HEPHL1: variants seen among roughly 807,000 people sequenced by gnomAD.
HEPHL1 encodes ferroxidase HEPHL1.
A neutral mutation model predicts 122.0 loss-of-function variants in HEPHL1; 123 were observed. The observed-to-expected ratio is 1.01, with a 90% CI of 0.87 to 1.17. The LOEUF (loss-of-function observed/expected upper bound fraction) is 1.17. HEPHL1 is among the 50% of genes most tolerant of loss of function. The pLI is 0.00. For missense variants in HEPHL1, 1,452 were observed against 1,430.5 expected (o/e 1.01, Z -0.24); for synonymous variants, 527 against 508.9 (o/e 1.04, Z -0.48).
intron 1 of HEPHL1, among the ~76,000 whole-genome samples, chr11:94,043,765 T>C (rs76210042): frequency 0.021 from 3,266 of 152,102 alleles, 58 homozygotes; most frequent in Non-Finnish European, 0.034. Flanking sequence ...ATTACTTCCT[T>C]AAGGAAACTT....
Position 94,093,971 on chromosome 11 carries a change from G to GATAGATAT in HEPHL1, c.2434+334_2434+335insGATATATA, listed in dbSNP as rs71036310. 1.0e-3 allele frequency among the ~76,000 whole-genome samples: 74 copies of GATAGATAT among 72,732 alleles called. 1 individual carries two copies. The highest frequency in any genetic ancestry group is 1.2e-3 in the Non-Finnish European group (43 of 35,362). The allele number at this position is 72,732 out of a possible 152,430, so 47.7% of individuals were successfully genotyped here. ...AAATTTTCTTTTAAATCCTCCAGCA[G>GATAGATAT]ATATATATATATATATATATATATA... On this transcript the variant is annotated intron_variant, in intron 13 of 19. Coordinates refer to ENST00000315765, the MANE Select transcript of HEPHL1 (RefSeq NM_001098672.2).
chr11:94,113,906 T>C lies in HEPHL1; in HGVS notation c.*2012T>C, dbSNP rs370570110. Reference sequence around the variant, plus strand: ...CAAAATAGTGTATCTCCACAAATAATATGACTTCTCAAACATTGTTTCCTC... The same window carrying C: ...CAAAATAGTGTATCTCCACAAATAACATGACTTCTCAAACATTGTTTCCTC... On this transcript the variant is annotated 3_prime_UTR_variant, in exon 20 of 20. Coordinates refer to ENST00000315765, the MANE Select transcript of HEPHL1 (RefSeq NM_001098672.2). Among the ~76,000 whole-genome samples, 2 of 152,202 alleles carry C rather than the reference T, an allele frequency of 1.3e-5. No homozygotes were observed. The highest frequency in any genetic ancestry group is 3.8e-4 in the East Asian group (2 of 5,198).
Position 94,063,622 on chromosome 11 carries a change from C to A in HEPHL1, c.530C>A (p.Ala177Asp). 6.2e-7 allele frequency: 1 copy of A among 1,613,892 alleles called. No homozygotes were observed. The highest frequency in any genetic ancestry group is 1.1e-5 in the South Asian group (1 of 91,076). ...AGAGAAGAATATGCACCTACTCCAG[C>A]CGATGCCAACTGCCTGACCTGGGTG... ...PVREEYAPTP[A>D]DANCLTWVYH... Residue 177 changes from alanine (A) to aspartate (D), a missense_variant, in exon 3 of 20, where the codon GCC becomes GAC. Transcript: ENST00000315765.
At chr11:94,035,734 T>C (rs1211264514) in intron 1 of HEPHL1, among the ~76,000 whole-genome samples, 1 of 152,040 alleles carries the variant, frequency 6.6e-6, no homozygotes, top group Non-Finnish European at 1.5e-5. Flanking sequence ...TGAAAGTCTC[T>C]TTTATTTTAT....
At chr11:94,081,356 C>T (rs1341807756) in intron 9 of HEPHL1, among the ~76,000 whole-genome samples, 1 of 152,168 alleles carries the variant, frequency 6.6e-6, no homozygotes, top group Non-Finnish European at 1.5e-5. Flanking sequence ...TGCTTAATAC[C>T]TAGGTGACAG....
chr11:94,093,771 T>A (rs1946281766), intron 13 of HEPHL1, 131 bp downstream of exon 13: 1 of 1,009,778 alleles, frequency 9.9e-7, no homozygotes, highest in Non-Finnish European at 1.4e-6. Flanking sequence ...TTCCTCCAAG[T>A]GTAATATCTT....
At chr11:94,034,122 T>C (rs997590756) in intron 1 of HEPHL1, among the ~76,000 whole-genome samples, 1 of 152,070 alleles carries the variant, frequency 6.6e-6, no homozygotes, top group African/African-American at 2.4e-5. Context: ...AGGGAGGAAA[T>C]GAGGTTGGAG....
chr11:94,076,028 AT>A (rs767110090), intron 9 of HEPHL1, among the ~76,000 whole-genome samples: 1 of 152,150 alleles, frequency 6.6e-6, no homozygotes, highest in Non-Finnish European at 1.5e-5. Flanking sequence ...TTAAGCATCT[AT>A]TTTACCAATC....
rs771004636 is a variant in HEPHL1, at chr11:94,104,650, T to C, written c.2805T>C (p.Asn935=). 94 of 1,613,644 alleles carry C rather than the reference T, an allele frequency of 5.8e-5. No individual in the cohort carries two copies. The highest frequency in any genetic ancestry group is 7.7e-5 in the Non-Finnish European group (91 of 1,179,660). The stretch of plus-strand genomic sequence containing the variant: ...TCTTGTTTTTGGTATTTAATGAGAA[T>C]GAATCCTGGTATCTGGATGACAATA... ...FALLFLVFNE[N]ESWYLDDNIK... The change falls in exon 16 of 20, where the codon AAT becomes AAC. Residue 935 remains asparagine (N), a synonymous_variant. Transcript: ENST00000315765.
In HEPHL1 at chr11:94,073,369, C is replaced by G. The variant is rs767910593; in HGVS notation, c.1434C>G (p.Asp478Glu). 15 of 1,588,730 alleles carry G rather than the reference C, an allele frequency of 9.4e-6. No homozygotes were observed. In the Middle Eastern group the frequency reaches 8.3e-4, roughly 88 times the overall value. Residue 478 changes from aspartate (D) to glutamate (E), a missense_variant, in exon 8 of 20, where the codon GAC becomes GAG. Transcript: ENST00000315765. ...TAGTGACCTTTGCCAACAAAGCCGACAAGGTCTATAGCATTTTACCCCATG... is the reference window on the plus strand; with the variant it reads ...TAGTGACCTTTGCCAACAAAGCCGAGAAGGTCTATAGCATTTTACCCCATG... The part of the protein sequence containing the change: ...TLLVTFANKA[D>E]KVYSILPHGV...
chr11:94,084,666 A>G (rs2134440890), intron 10 of HEPHL1, among the ~76,000 whole-genome samples: 1 of 152,326 alleles, frequency 6.6e-6, no homozygotes, highest in South Asian at 2.1e-4. Context: ...GCAAGAGAAG[A>G]TTCTCTACCA....
At chr11:94,024,897 G>A (rs920964909) in intron 1 of HEPHL1, among the ~76,000 whole-genome samples, 2 of 152,116 alleles carry the variant, frequency 1.3e-5, no homozygotes, top group Non-Finnish European at 2.9e-5. Context: ...GTACAGGGCA[G>A]GCATTCAAAA....
Position 94,070,364 on chromosome 11 carries a change from T to C in HEPHL1, c.1064-10T>C, listed in dbSNP as rs772204426. ...TATGCCTCAGCTCGTGGTTTTCCTCTGTTCTGCAGCTGGTATGCTGGGGCA... is the reference window on the plus strand; with the variant it reads ...TATGCCTCAGCTCGTGGTTTTCCTCCGTTCTGCAGCTGGTATGCTGGGGCA... On this transcript the variant is annotated splice_polypyrimidine_tract_variant and intron_variant, in intron 5 of 19. Coordinates refer to ENST00000315765, the MANE Select transcript of HEPHL1 (RefSeq NM_001098672.2). The C allele has an allele frequency of 2.5e-6, 4 of 1,579,904 alleles. No individual in the cohort carries two copies. The highest frequency in any genetic ancestry group is 3.4e-6 in the Non-Finnish European group (4 of 1,161,546).
chr11:94,047,874 T>A (rs928742635), intron 2 of HEPHL1, among the ~76,000 whole-genome samples: 2 of 152,166 alleles, frequency 1.3e-5, no homozygotes, highest in Non-Finnish European at 2.9e-5. Flanking sequence ...GTAAAACATA[T>A]GAACATAAAA....
chr11:94,022,843 G>T (rs1430376180), intron 1 of HEPHL1, among the ~76,000 whole-genome samples: 1 of 152,218 alleles, frequency 6.6e-6, no homozygotes, highest in Non-Finnish European at 1.5e-5. Context: ...CTCAGAGAGG[G>T]CTCAGTAGGA....
At chr11:94,029,057 A>G (rs1223507935) in intron 1 of HEPHL1, among the ~76,000 whole-genome samples, 1 of 152,202 alleles carries the variant, frequency 6.6e-6, no homozygotes, top group Non-Finnish European at 1.5e-5. Flanking sequence ...TTAAACTCCT[A>G]GCCTCAAGTG....
rs12291622 is a variant in HEPHL1, at chr11:94,070,451, C to T, written c.1141C>T (p.Arg381Cys). 733 of 1,608,232 alleles carry T rather than the reference C, an allele frequency of 4.6e-4. 4 individuals are homozygous for T. The African/African-American group carries it at 8.1e-3, about 18-fold the overall frequency. The change falls in exon 6 of 20, where the codon CGC becomes TGC. Residue 381 changes from arginine to cysteine, a missense_variant. Arg to Cys is a radical substitution (Grantham distance 180, BLOSUM62 -3). Transcript: ENST00000315765. The part of the protein sequence containing the change: ...FYPKMKGQQR[R>C]YFIAAEKILW... ...CCCCAAGATGAAGGGTCAACAGAGG[C>T]GCTACTTTATAGCAGCTGAAAAAAT...
intron 2 of HEPHL1, among the ~76,000 whole-genome samples, chr11:94,056,479 TG>T (rs1945936692): frequency 6.6e-6 from 1 of 152,208 alleles, no homozygotes; most frequent in Non-Finnish European, 1.5e-5. Flanking sequence ...CTTAGAATAA[TG>T]TTTTAATTTC....
intron 2 of HEPHL1, among the ~76,000 whole-genome samples, chr11:94,060,693 G>T (rs961900608): frequency 6.6e-6 from 1 of 152,188 alleles, no homozygotes; most frequent in Non-Finnish European, 1.5e-5. Context: ...CAGTGTGAAT[G>T]CATTTTAGAT....
Sources: gnomAD v4.1 joint callset for allele counts (sites outside exome capture counted in the v4.1 genomes callset) on GRCh38, gnomAD v4.1.1 for gene constraint, MANE v1.5 for transcripts, NCBI Gene and HGNC (gene_info 2026-07-23, HGNC 2026-07-21) for gene names.